DLG2: variants seen among roughly 807,000 people sequenced by gnomAD.
DLG2 encodes disks large homolog 2.
DLG2 carries 45 observed loss-of-function variants against 132.5 expected under a neutral mutation model. That is an observed-to-expected ratio of 0.34 (90% confidence interval 0.27 to 0.44). The LOEUF (loss-of-function observed/expected upper bound fraction) is 0.44, where lower values mean the gene tolerates loss of function less well. Ranked by LOEUF, DLG2 falls within the 20% of genes least tolerant of loss-of-function variation. The probability of loss-of-function intolerance (pLI) is 1.00; values close to 1 mark genes in which losing one functional copy is unlikely to be tolerated. For missense variants in DLG2, 1,045 were observed against 1,196.9 expected (o/e 0.87, Z 1.87); for synonymous variants, 424 against 419.6 (o/e 1.01, Z -0.13).
At chr11:84,760,660 T>C (rs1479573437) in intron 6 of DLG2, among the ~76,000 whole-genome samples, 2 of 152,228 alleles carry the variant, frequency 1.3e-5, no homozygotes, top group Non-Finnish European at 2.9e-5. Context: ...CCACCTCTTC[T>C]GTGACATTAT....
At chr11:84,811,665 A>G (rs1247141673) in intron 6 of DLG2, among the ~76,000 whole-genome samples, 1 of 152,168 alleles carries the variant, frequency 6.6e-6, no homozygotes, top group Non-Finnish European at 1.5e-5. Context: ...GATTATATGT[A>G]GCTATATGAC....
At chr11:85,313,498 T>C (rs1238961623) in intron 3 of DLG2, among the ~76,000 whole-genome samples, 1 of 152,058 alleles carries the variant, frequency 6.6e-6, no homozygotes, top group African/African-American at 2.4e-5. Flanking sequence ...TCCACATCTC[T>C]TCATGGACAT....
chr11:85,068,303 C>A (rs928109899), intron 6 of DLG2, among the ~76,000 whole-genome samples: 1 of 151,954 alleles, frequency 6.6e-6, no homozygotes, highest in Non-Finnish European at 1.5e-5. Context: ...CTGGCCAGGG[C>A]AATCAGGCAG....
At chr11:83,597,396 A>C (rs1206054052) in intron 19 of DLG2, among the ~76,000 whole-genome samples, 1 of 152,178 alleles carries the variant, frequency 6.6e-6, no homozygotes, top group Non-Finnish European at 1.5e-5. Context: ...GGAAACATAG[A>C]GTAAAACTTG....
At chr11:83,567,973 A>G (rs1230750411) in intron 19 of DLG2, among the ~76,000 whole-genome samples, 1 of 152,188 alleles carries the variant, frequency 6.6e-6, no homozygotes, top group Non-Finnish European at 1.5e-5. Context: ...CTTTCTCTCC[A>G]TATGCATATA....
chr11:84,566,639 T>A (rs572216199), intron 6 of DLG2, among the ~76,000 whole-genome samples: 120 of 152,254 alleles, frequency 7.9e-4, no homozygotes, highest in Middle Eastern at 3.4e-3. Flanking sequence ...TCAGAGGAAA[T>A]CCTCTGTCAC....
At chr11:85,295,912 C>A in intron 3 of DLG2, among the ~76,000 whole-genome samples, 1 of 152,024 alleles carries the variant, frequency 6.6e-6, no homozygotes, top group East Asian at 1.9e-4. Context: ...TGATGAATGC[C>A]AAGGGAGACA....
rs142876378 is a variant in DLG2, at chr11:84,134,677, G to A, written c.624+28784C>T. 8.2e-3 allele frequency among the ~76,000 whole-genome samples: 1,160 copies of A among 141,398 alleles called. 12 individuals carry two copies. The highest frequency in any genetic ancestry group is 0.01 in the Non-Finnish European group (656 of 64,324). 92.8% of individuals were successfully genotyped at this position (141,398 alleles called of 152,430 possible). The stretch of plus-strand genomic sequence containing the variant: ...CATCACATGTAGTCTTGTCTCAAGA[G>A]ACCTCTTTTGTTATCTGTGTGTGTG... On this transcript the variant is annotated intron_variant, in intron 9 of 27. Coordinates refer to ENST00000376104, the MANE Select transcript of DLG2 (RefSeq NM_001142699.3).
chr11:85,021,489 A>G, intron 6 of DLG2: 2 of 1,458,308 alleles, frequency 1.4e-6, no homozygotes, highest in Non-Finnish European at 1.9e-6. Context: ...TAACATACTG[A>G]AAGAAGGCAA....
intron 6 of DLG2, among the ~76,000 whole-genome samples, chr11:84,768,991 T>C (rs1297574243): frequency 1.3e-5 from 2 of 152,066 alleles, no homozygotes; most frequent in Non-Finnish European, 2.9e-5. Context: ...AGAAAACATC[T>C]TACTTTCATA....
At chr11:84,128,613 T>C (rs1221528289) in intron 9 of DLG2, among the ~76,000 whole-genome samples, 2 of 152,154 alleles carry the variant, frequency 1.3e-5, no homozygotes, top group Admixed American at 6.6e-5. Flanking sequence ...TTTAAATTTT[T>C]TCGGTCTGCA....
intron 19 of DLG2, among the ~76,000 whole-genome samples, chr11:83,543,498 C>G (rs992881150): frequency 6.6e-6 from 1 of 152,118 alleles, no homozygotes; most frequent in Non-Finnish European, 1.5e-5. Flanking sequence ...CTACTGGGTC[C>G]ATGTCCTGCT....
intron 5 of DLG2, among the ~76,000 whole-genome samples, chr11:85,147,096 G>T (rs1198664345): frequency 1.3e-5 from 2 of 152,138 alleles, no homozygotes; most frequent in Non-Finnish European, 2.9e-5. Flanking sequence ...GTTGGGGAAG[G>T]GTGGTATAGG....
At chr11:84,394,669 C>G (rs2098804984) in intron 7 of DLG2, among the ~76,000 whole-genome samples, 1 of 147,196 alleles carries the variant, frequency 6.8e-6, no homozygotes, top group Non-Finnish European at 1.5e-5. Flanking sequence ...TGCTCTGTCA[C>G]CCAGGCTGGA....
intron 11 of DLG2, among the ~76,000 whole-genome samples, chr11:84,039,688 A>G (rs1211653622): frequency 2.3e-5 from 2 of 85,160 alleles, no homozygotes; most frequent in Non-Finnish European, 5.8e-5. Context: ...ATACGTGTGC[A>G]TGTGTCTTTA....
At chr11:85,200,643 A>AT (rs2081392390) in intron 4 of DLG2, among the ~76,000 whole-genome samples, 1 of 152,140 alleles carries the variant, frequency 6.6e-6, no homozygotes, top group African/African-American at 2.4e-5. Context: ...CCCACAGCAG[A>AT]TATGGAGGTG....
intron 3 of DLG2, among the ~76,000 whole-genome samples, chr11:85,384,978 T>C (rs778936627): frequency 6.6e-6 from 1 of 152,222 alleles, no homozygotes; most frequent in Non-Finnish European, 1.5e-5. Flanking sequence ...AAAATTACAT[T>C]CTTAGCTCAT....
chr11:85,377,084 A>T (rs932205339), intron 3 of DLG2, among the ~76,000 whole-genome samples: 2 of 152,216 alleles, frequency 1.3e-5, no homozygotes, highest in African/African-American at 4.8e-5. Context: ...AAGGTCATGT[A>T]AGTGATAGAG....
chr11:85,058,229 A>G (rs1297038199), intron 6 of DLG2, among the ~76,000 whole-genome samples: 1 of 151,584 alleles, frequency 6.6e-6, no homozygotes, highest in African/African-American at 2.4e-5. Context: ...ATATATAAAA[A>G]TCAATTGCAT....
Sources: allele counts gnomAD v4.1 joint callset (sites outside exome capture counted in the v4.1 genomes callset), GRCh38; gene constraint gnomAD v4.1.1; transcripts MANE v1.5; gene names NCBI Gene and HGNC (gene_info 2026-07-23, HGNC 2026-07-21).